Variants in DAB1 observed in about 807,000 individuals in gnomAD.
DAB1 encodes the protein disabled homolog 1.
A neutral mutation model predicts 64.6 loss-of-function variants in DAB1; 15 were observed. The observed-to-expected ratio is 0.23, with a 90% confidence interval of 0.16 to 0.36. The LOEUF is 0.36. Ranked by LOEUF, DAB1 falls within the 10% of genes least tolerant of loss-of-function variation. The probability of loss-of-function intolerance (pLI) is 1.00; values close to 1 mark genes in which losing one functional copy is unlikely to be tolerated. For synonymous variants in DAB1, 235 were observed against 251.9 expected (o/e 0.93, Z 0.64); for missense variants, 596 against 706.7 (o/e 0.84, Z 1.78).
chr1:57,937,611 G>A (rs529556931), intron 5 of DAB1, among the ~76,000 whole-genome samples: 4 of 152,278 alleles, frequency 2.6e-5, no homozygotes, highest in African/African-American at 9.6e-5. Context: ...CCAGTACTAA[G>A]AGACAGAGCT....
chr1:57,413,379 A>G (rs1022280225), intron 1 of DAB1, among the ~76,000 whole-genome samples: 1 of 152,210 alleles, frequency 6.6e-6, no homozygotes, highest in Admixed American at 6.5e-5. Context: ...TCATAAGGCT[A>G]TAGCTGCCAT....
chr1:57,063,819 A>G (rs1570622391), intron 8 of DAB1, among the ~76,000 whole-genome samples: 1 of 152,228 alleles, frequency 6.6e-6, no homozygotes. Flanking sequence ...GGATATGTTG[A>G]CTACTTTTCA....
intron 7 of DAB1, among the ~76,000 whole-genome samples, chr1:57,513,855 C>T (rs980326910): frequency 1.3e-5 from 2 of 152,120 alleles, no homozygotes; most frequent in African/African-American, 4.8e-5. Flanking sequence ...CTTCCCAGCC[C>T]CTGTCCTGCA....
chr1:58,214,699 TCAGAAGCAGTAGGCTTGTAGAAA>T (rs1376327047), intron 4 of DAB1, among the ~76,000 whole-genome samples: 22 of 152,220 alleles, frequency 1.4e-4, no homozygotes, highest in African/African-American at 4.6e-4. Context: ...TTGCTAGCTT[TCAGAAGCAGTAGGCTTGTAGAAA>T]CAATATTTTT....
At chr1:57,024,095 G>A (rs1234725370) in intron 10 of DAB1, among the ~76,000 whole-genome samples, 2 of 152,028 alleles carry the variant, frequency 1.3e-5, no homozygotes, top group Non-Finnish European at 2.9e-5. Context: ...TTTAATACAC[G>A]GTCAATGAGC....
intron 4 of DAB1, among the ~76,000 whole-genome samples, chr1:58,208,536 A>G (rs1473391881): frequency 6.6e-6 from 1 of 152,186 alleles, no homozygotes; most frequent in African/African-American, 2.4e-5. Context: ...AAGTGAGAAC[A>G]TATGATGTCT....
chr1:57,997,514 C>T (rs952806061), intron 5 of DAB1, among the ~76,000 whole-genome samples: 1 of 152,112 alleles, frequency 6.6e-6, no homozygotes, highest in Non-Finnish European at 1.5e-5. Context: ...CCTTATAGCC[C>T]CTCAGTTGAA....
At chr1:57,046,964 C>T (rs762234663) in intron 9 of DAB1, among the ~76,000 whole-genome samples, 1 of 152,156 alleles carries the variant, frequency 6.6e-6, no homozygotes, top group Non-Finnish European at 1.5e-5. Flanking sequence ...GTAGGATGAC[C>T]CTAAATCCTG....
chr1:58,481,152 C>A, intron 3 of DAB1: 2 of 852,026 alleles, frequency 2.3e-6, no homozygotes, highest in Non-Finnish European at 4.1e-6. Flanking sequence ...TGGACAATTA[C>A]ACATCTCTCT....
chr1:57,494,539 G>C (rs1354691172), intron 7 of DAB1, among the ~76,000 whole-genome samples: 2 of 152,176 alleles, frequency 1.3e-5, no homozygotes, highest in Non-Finnish European at 2.9e-5. Flanking sequence ...TTTGTGTCTT[G>C]TGATGAGTCC....
intron 5 of DAB1, among the ~76,000 whole-genome samples, chr1:58,021,577 A>C (rs766984741): frequency 7.2e-5 from 11 of 152,188 alleles, no homozygotes; most frequent in Non-Finnish European, 1.3e-4. Flanking sequence ...CTTACATGGA[A>C]AAATAAGAGG....
chr1:58,419,924 T>C (rs1283479872), intron 3 of DAB1, among the ~76,000 whole-genome samples: 1 of 152,176 alleles, frequency 6.6e-6, no homozygotes, highest in African/African-American at 2.4e-5. Context: ...CCTCCTCCTA[T>C]TGGCCCTCCA....
At chr1:57,470,533 GTTAC>G (rs2101204879) in intron 7 of DAB1, among the ~76,000 whole-genome samples, 1 of 152,252 alleles carries the variant, frequency 6.6e-6, no homozygotes, top group Non-Finnish European at 1.5e-5. Context: ...GGTTAAGTGT[GTTAC>G]TTTTCATTTG....
At chr1:58,132,531 T>C (rs1377161939) in intron 5 of DAB1, among the ~76,000 whole-genome samples, 1 of 152,198 alleles carries the variant, frequency 6.6e-6, no homozygotes, top group Non-Finnish European at 1.5e-5. Flanking sequence ...GTAGGTTGTC[T>C]TGCTCATACA....
chr1:58,033,006 C>T (rs1159334213), intron 5 of DAB1, among the ~76,000 whole-genome samples: 2 of 152,142 alleles, frequency 1.3e-5, no homozygotes, highest in Non-Finnish European at 2.9e-5. Context: ...ACTCTGGTCC[C>T]TTTCTCTGGA....
chr1:57,903,326 T>A (rs1644503653), intron 5 of DAB1, among the ~76,000 whole-genome samples: 1 of 152,210 alleles, frequency 6.6e-6, no homozygotes, highest in African/African-American at 2.4e-5. Context: ...GTTAGTTGGC[T>A]TCTATGATCT....
intron 9 of DAB1, among the ~76,000 whole-genome samples, chr1:57,027,527 A>T (rs1411536644): frequency 6.6e-6 from 1 of 152,048 alleles, no homozygotes; most frequent in Non-Finnish European, 1.5e-5. Flanking sequence ...TACTGCCTGG[A>T]CCGCTGGGCC....
intron 7 of DAB1, among the ~76,000 whole-genome samples, chr1:57,482,477 TAAAA>T (rs918167439): frequency 6.6e-3 from 405 of 61,178 alleles, no homozygotes; most frequent in African/African-American, 0.021. Context: ...CTGAAAGTTG[TAAAA>T]AAAAAAAAAA....
At chr1:57,758,859 A>G (rs1405557726) in intron 6 of DAB1, among the ~76,000 whole-genome samples, 1 of 152,200 alleles carries the variant, frequency 6.6e-6, no homozygotes, top group Admixed American at 6.5e-5. Context: ...GTCTGTTTGC[A>G]ATAAACATTC....
Sources: allele counts gnomAD v4.1 joint callset (sites outside exome capture counted in the v4.1 genomes callset), GRCh38; gene constraint gnomAD v4.1.1; transcripts MANE v1.5; gene names NCBI Gene and HGNC (gene_info 2026-07-23, HGNC 2026-07-21).